The following TBC1D1 variants were observed in gnomAD, a reference collection of about 807,000 sequenced individuals.
The protein encoded by TBC1D1 is TBC1 domain family member 1, also known as TBC1 (tre-2/USP6, BUB2, cdc16) domain family, member 1.
A neutral mutation model predicts 125.6 loss-of-function variants in TBC1D1; 89 were observed. The observed-to-expected ratio is 0.71, with a 90% CI of 0.60 to 0.85. The LOEUF (loss-of-function observed/expected upper bound fraction) is 0.85. TBC1D1 is among the 40% of genes least tolerant of loss of function. The probability of loss-of-function intolerance (pLI) is 0.00; values close to 1 mark genes in which losing one functional copy is unlikely to be tolerated. For missense variants in TBC1D1, 1,377 were observed against 1,469.2 expected (o/e 0.94, Z 1.03); for synonymous variants, 565 against 564.1 (o/e 1.00, Z -0.02).
At chr4:38,028,133 A>ACAAC (rs945030875) in intron 7 of TBC1D1, among the ~76,000 whole-genome samples, 1 of 152,120 alleles carries the variant, frequency 6.6e-6, no homozygotes, top group African/African-American at 2.4e-5. Flanking sequence ...AAACAAACAA[A>ACAAC]AAAAACAGCA....
rs1315564360 is a variant in TBC1D1, at chr4:38,006,809, C to A, written c.418-7700C>A. On this transcript the variant is annotated intron_variant, in intron 2 of 19. Coordinates refer to ENST00000261439, the MANE Select transcript of TBC1D1 (RefSeq NM_015173.4). ...CTATTTCTTTTATGCTGCTCTTTTC[C>A]CCTCTCCTTTCTTTGGTTTCCCCTT... is the stretch of plus-strand genomic sequence containing the variant. 6 of 513,504 alleles carry A rather than the reference C, an allele frequency of 1.2e-5. No homozygotes were observed. The East Asian group carries it at 1.7e-4, about 14-fold the overall frequency. The allele number at this position is 513,504 out of a possible 1,614,324, so 31.8% of individuals were successfully genotyped here.
rs753135243 is a variant in TBC1D1 at position 38,103,002 on chromosome 4, T to C, written c.2402T>C (p.Val801Ala). ...ATGTCTTCTCTCCCTTTTAAAGGTG[T>C]GCCACGTCATCACCGAGGTGAAATC... The change falls in exon 15 of 20, where the codon GTG becomes GCG. Residue 801 changes from valine (V) to alanine (A), a missense_variant. Physicochemically the swap from Val to Ala is moderately conservative, Grantham distance 64. Around this residue, in one of 3 missense-constraint regions of TBC1D1, gnomAD observed 543 missense variants for 613.5 expected, o/e 0.89. Transcript: ENST00000261439. 6.2e-7 allele frequency: 1 copy of C among 1,613,636 alleles called. No homozygotes were observed. The highest frequency in any genetic ancestry group is 8.5e-7 in the Non-Finnish European group (1 of 1,179,816).
intron 2 of TBC1D1, among the ~76,000 whole-genome samples, chr4:37,970,565 T>C (rs1249883278): frequency 6.6e-6 from 1 of 152,206 alleles, no homozygotes; most frequent in Non-Finnish European, 1.5e-5. Context: ...CTGAAGTTAT[T>C]TTCCTTCCTC....
chr4:38,109,678 T>C (rs1761914464), intron 15 of TBC1D1, among the ~76,000 whole-genome samples: 1 of 152,194 alleles, frequency 6.6e-6, no homozygotes, highest in South Asian at 2.1e-4. Context: ...AAAAACAATC[T>C]GCTCCTAGAA....
intron 2 of TBC1D1, among the ~76,000 whole-genome samples, chr4:38,009,867 C>A (rs1187911250): frequency 3.3e-5 from 5 of 152,110 alleles, no homozygotes; most frequent in Non-Finnish European, 7.4e-5. Context: ...AAACTAAGCC[C>A]CACACCCTTA....
chr4:37,965,138 C>T (rs73810074), intron 2 of TBC1D1, among the ~76,000 whole-genome samples: 2,184 of 152,338 alleles, frequency 0.014, 46 homozygotes, highest in African/African-American at 0.05. Context: ...TAATACCTTG[C>T]AGCAGGGTTT....
Position 38,096,076 on chromosome 4 carries a change from C to G in TBC1D1, c.2384C>G (p.Ser795Trp). 1 of 1,612,478 alleles carries G rather than the reference C, an allele frequency of 6.2e-7. No individual in the cohort carries two copies. Among genetic ancestry groups the G allele is most frequent in the Non-Finnish European group, 8.5e-7 (1 of 1,179,026 alleles). ...AAGTTTGACATGGAAAAAATGCACT[C>G]GGCTGTTGGGCAAGGTAAGCTTCAT... Residue 795 changes from serine to tryptophan, a missense_variant, in exon 14 of 20, where the codon TCG becomes TGG. Ser to Trp is a radical substitution (Grantham distance 177). Around this residue, in one of 3 missense-constraint regions of TBC1D1, gnomAD observed 543 missense variants for 613.5 expected, o/e 0.89. Coordinates refer to ENST00000261439, the MANE Select transcript of TBC1D1 (RefSeq NM_015173.4).
At chr4:37,902,656 T>G (rs4008479) in intron 2 of TBC1D1, 144 bp downstream of exon 2, 187,755 of 684,058 alleles carry the variant, frequency 0.27, 31,864 homozygotes, top group African/African-American at 0.67. Flanking sequence ...TGAATTTTTG[T>G]TTTATGGTGA....
At chr4:37,949,347 T>G (rs1727362014) in intron 2 of TBC1D1, among the ~76,000 whole-genome samples, 1 of 152,232 alleles carries the variant, frequency 6.6e-6, no homozygotes, top group Non-Finnish European at 1.5e-5. Context: ...TAACTTTTAT[T>G]GAGTGCTTCC....
intron 2 of TBC1D1, among the ~76,000 whole-genome samples, chr4:38,013,516 T>C (rs904970383): frequency 1.3e-5 from 2 of 152,206 alleles, no homozygotes; most frequent in Non-Finnish European, 2.9e-5. Context: ...TAACAAAAAG[T>C]AGGCCCTTTT....
At chr4:38,060,436 T>C (rs554555994) in intron 12 of TBC1D1, among the ~76,000 whole-genome samples, 2 of 152,384 alleles carry the variant, frequency 1.3e-5, no homozygotes, top group South Asian at 4.1e-4. Context: ...TGTGAGACAG[T>C]ATCTCCTTGT....
intron 13 of TBC1D1, among the ~76,000 whole-genome samples, chr4:38,093,420 C>T (rs1008169921): frequency 6.6e-6 from 1 of 152,130 alleles, no homozygotes; most frequent in Non-Finnish European, 1.5e-5. Context: ...TGTGATTTCT[C>T]CAAAATTAGA....
intron 2 of TBC1D1, among the ~76,000 whole-genome samples, chr4:37,974,031 T>G (rs1732559069): frequency 6.6e-6 from 1 of 152,232 alleles, no homozygotes; most frequent in Non-Finnish European, 1.5e-5. Flanking sequence ...GCATTCTCGC[T>G]CTAATGGAAC....
intron 2 of TBC1D1, among the ~76,000 whole-genome samples, chr4:37,956,119 C>T (rs1728890028): frequency 6.6e-6 from 1 of 151,898 alleles, no homozygotes; most frequent in South Asian, 2.1e-4. Flanking sequence ...ATCTGCCTCC[C>T]AGGTTCAAGC....
At chr4:37,924,859 C>T (rs1577882085) in intron 2 of TBC1D1, among the ~76,000 whole-genome samples, 1 of 152,298 alleles carries the variant, frequency 6.6e-6, no homozygotes, top group South Asian at 2.1e-4. Flanking sequence ...CTGTTTGAGT[C>T]CCTGCTTTCA....
At chr4:38,073,930 T>A (rs192541240) in intron 12 of TBC1D1, among the ~76,000 whole-genome samples, 1 of 152,222 alleles carries the variant, frequency 6.6e-6, no homozygotes, top group Non-Finnish European at 1.5e-5. Flanking sequence ...AGTGGACTTT[T>A]AAGACAACCA....
rs74874599 is a variant in TBC1D1 at position 38,089,163 on chromosome 4, G to A, written c.2051-769G>A. ...AGGAAGACATGAGTTAGAGTATGCC[G>A]GTGTACCTCCTTACTCACTGTATGA... On this transcript the variant is annotated intron_variant, in intron 12 of 19. Transcript: ENST00000261439. Among the ~76,000 whole-genome samples, 1,322 of 152,228 alleles carry A rather than the reference G, an allele frequency of 8.7e-3. 21 individuals carry two copies. Among genetic ancestry groups the A allele is most frequent in the African/African-American group, 0.03 (1,253 of 41,534 alleles).
rs752321338 is a variant in TBC1D1 at position 38,014,877 on chromosome 4, C to G, written c.786C>G (p.Ser262Arg). 3 of 1,610,278 alleles carry G rather than the reference C, an allele frequency of 1.9e-6. No homozygotes were observed. In the East Asian group the frequency reaches 6.7e-5, roughly 36 times the overall value. The change falls in exon 3 of 20, where the codon AGC (serine) becomes AGG (arginine). Residue 262 changes from serine (S) to arginine (R), a missense_variant. Physicochemically the swap from Ser to Arg is moderately radical, Grantham distance 110. This residue lies in a region of TBC1D1 where 822 missense variants were observed against 824.6 expected (regional missense o/e 1.00). Coordinates refer to ENST00000261439, the MANE Select transcript of TBC1D1 (RefSeq NM_015173.4). The surrounding 1 kb of genome is among the most constrained non-coding windows in gnomAD (Gnocchi z 5.1). ...GCCTCCGAAGCAGCGGCTTCTTCAG[C>G]TCCTTCGAGGAGAGCGACATTGAGA...
chr4:38,073,123 C>T (rs1754986999), intron 12 of TBC1D1, among the ~76,000 whole-genome samples: 1 of 152,184 alleles, frequency 6.6e-6, no homozygotes, highest in Admixed American at 6.5e-5. Flanking sequence ...GCTTTCAGTT[C>T]TTTCGGATAT....
Sources: allele counts gnomAD v4.1 joint callset (sites outside exome capture counted in the v4.1 genomes callset), GRCh38; gene constraint gnomAD v4.1.1; regional missense constraint gnomAD v4.1.1; non-coding constraint Gnocchi (gnomAD v3.1); transcripts MANE v1.5; gene names NCBI Gene and HGNC (gene_info 2026-07-23, HGNC 2026-07-21).